Variants in CHSY3 observed in about 807,000 individuals in gnomAD.
CHSY3 encodes the protein chondroitin sulfate synthase 3, also known as N-acetylgalactosaminyl-proteoglycan 3-beta-glucuronosyltransferase 3.
In CHSY3, 35 loss-of-function variants were observed where a neutral mutation model predicts 67.2. The observed-to-expected ratio is 0.52, with a 90% CI of 0.40 to 0.69. The LOEUF is 0.69. CHSY3 is among the 30% of genes least tolerant of loss of function. CHSY3 has a pLI of 0.00. For synonymous variants in CHSY3, 474 were observed against 434.7 expected, an observed-to-expected ratio of 1.09 and a Z score of -1.12; for missense variants, 1,069 against 1,138.5, an observed-to-expected ratio of 0.94 and a Z score of 0.88.
intron 2 of CHSY3, among the ~76,000 whole-genome samples, chr5:130,102,418 A>G (rs568404526): frequency 4.6e-5 from 7 of 152,180 alleles, no homozygotes; most frequent in Admixed American, 2.0e-4. Context: ...TAATAAATCA[A>G]TGTAATTTGA....
Position 130,150,407 on chromosome 5 carries a change from TACTC to T in CHSY3, c.1087-33820_1087-33817del, listed in dbSNP as rs1160895727. 7.2e-5 allele frequency among the ~76,000 whole-genome samples: 11 copies of T among 152,214 alleles called. No individual in the cohort carries two copies. In the South Asian group the frequency reaches 2.1e-3, roughly 29 times the overall value. ...TAATTAATTTATAAAATAAATAAAA[TACTC>T]AACAAATTACCTTTAAGAGGTCACA... On this transcript the variant is annotated intron_variant, in intron 2 of 2. Transcript: ENST00000305031.
chr5:130,074,888 T>C (rs544602347), intron 2 of CHSY3, among the ~76,000 whole-genome samples: 1 of 128,888 alleles, frequency 7.8e-6, no homozygotes, highest in South Asian at 2.5e-4. Context: ...ACATTAATGA[T>C]AGTAATAATT....
intron 2 of CHSY3, among the ~76,000 whole-genome samples, chr5:130,037,143 G>T (rs1404339048): frequency 6.6e-6 from 1 of 152,136 alleles, no homozygotes; most frequent in African/African-American, 2.4e-5. Flanking sequence ...TAGCAAGGAG[G>T]CAAATTGAAA....
chr5:129,979,199 CAAAAAAA>C (rs58584381), intron 2 of CHSY3, among the ~76,000 whole-genome samples: 6 of 62,536 alleles, frequency 9.6e-5, no homozygotes, highest in East Asian at 6.2e-4. Flanking sequence ...GACTCCGTCT[CAAAAAAA>C]AAAAAAAAAA....
At chr5:130,000,732 CTTTTTT>C (rs71000946) in intron 2 of CHSY3, among the ~76,000 whole-genome samples, 14 of 76,450 alleles carry the variant, frequency 1.8e-4, no homozygotes, top group South Asian at 6.7e-4. Flanking sequence ...AACTTTTCTT[CTTTTTT>C]TTTTTTTTTT....
intron 2 of CHSY3, among the ~76,000 whole-genome samples, chr5:130,014,770 G>T (rs897600226): frequency 3.3e-5 from 5 of 152,078 alleles, no homozygotes; most frequent in African/African-American, 1.2e-4. Context: ...AAAATTCCAG[G>T]AAATACTATT....
intron 2 of CHSY3, chr5:130,141,715 G>T: frequency 2.0e-6 from 1 of 509,672 alleles, no homozygotes; most frequent in South Asian, 1.4e-5. Context: ...TAACGTTGAG[G>T]ACAAACAGAA....
chr5:130,123,168 A>T (rs1430094294), intron 2 of CHSY3, among the ~76,000 whole-genome samples: 1 of 152,200 alleles, frequency 6.6e-6, no homozygotes. Context: ...TATAGTTGCC[A>T]CTATGTAAAA....
At chr5:130,132,155 G>A (rs570717276) in intron 2 of CHSY3, among the ~76,000 whole-genome samples, 1 of 152,198 alleles carries the variant, frequency 6.6e-6, no homozygotes, top group East Asian at 1.9e-4. Context: ...AAGCTCCATA[G>A]AGGCATAGAC....
At chr5:129,998,582 A>C (rs1180950525) in intron 2 of CHSY3, among the ~76,000 whole-genome samples, 1 of 152,166 alleles carries the variant, frequency 6.6e-6, no homozygotes, top group African/African-American at 2.4e-5. Flanking sequence ...TGATTGCTCA[A>C]ATTTATACTA....
At chr5:130,129,550 C>A (rs906629365) in intron 2 of CHSY3, among the ~76,000 whole-genome samples, 6 of 152,020 alleles carry the variant, frequency 3.9e-5, no homozygotes, top group African/African-American at 1.4e-4. Flanking sequence ...TTATACTGTG[C>A]TATTTATAAA....
chr5:130,054,625 T>C (rs2149673238), intron 2 of CHSY3, among the ~76,000 whole-genome samples: 1 of 152,316 alleles, frequency 6.6e-6, no homozygotes, highest in East Asian at 1.9e-4. Flanking sequence ...ATATATAAAC[T>C]CTTACTTCAC....
chr5:130,151,008 G>A (rs969758863), intron 2 of CHSY3, among the ~76,000 whole-genome samples: 1 of 152,114 alleles, frequency 6.6e-6, no homozygotes, highest in Non-Finnish European at 1.5e-5. Context: ...TTGTTTCAAA[G>A]CATGACAACT....
rs559212731 is a variant in CHSY3 at position 129,998,241 on chromosome 5, T to C, written c.1086+89881T>C. On this transcript the variant is annotated intron_variant, in intron 2 of 2. Transcript: ENST00000305031. Reference sequence around the variant, plus strand: ...AGTTAAATGAATTCTGTGCTCACTGTTAATAACACTTCGGTTATTTTTCCC... The same window carrying C: ...AGTTAAATGAATTCTGTGCTCACTGCTAATAACACTTCGGTTATTTTTCCC... 2.8e-5 allele frequency among the ~76,000 whole-genome samples: 3 copies of C among 106,468 alleles called. No individual in the cohort carries two copies. In the East Asian group the frequency reaches 8.9e-4, roughly 32 times the overall value. 69.8% of individuals were successfully genotyped at this position (106,468 alleles called of 152,430 possible).
chr5:130,125,236 T>C (rs1467221766), intron 2 of CHSY3, among the ~76,000 whole-genome samples: 2 of 152,086 alleles, frequency 1.3e-5, no homozygotes, highest in African/African-American at 2.4e-5. Flanking sequence ...ATTGGACAGA[T>C]TGAGTCCTCA....
At chr5:130,180,526 GT>G (rs1224932097) in intron 2 of CHSY3, among the ~76,000 whole-genome samples, 1 of 151,758 alleles carries the variant, frequency 6.6e-6, no homozygotes, top group African/African-American at 2.4e-5. Context: ...TTTTGTTTTT[GT>G]TTTTTGTTTT....
intron 2 of CHSY3, among the ~76,000 whole-genome samples, chr5:129,955,875 C>A (rs1299203747): frequency 1.3e-5 from 2 of 152,124 alleles, no homozygotes; most frequent in Non-Finnish European, 2.9e-5. Context: ...TGATCTTGTT[C>A]TTTTGTTATG....
At chr5:130,101,515 A>T (rs1295300420) in intron 2 of CHSY3, among the ~76,000 whole-genome samples, 1 of 152,166 alleles carries the variant, frequency 6.6e-6, no homozygotes, top group African/African-American at 2.4e-5. Context: ...TAATATTTTG[A>T]TATATGTAGA....
intron 2 of CHSY3, among the ~76,000 whole-genome samples, chr5:129,969,838 A>G (rs921451574): frequency 6.6e-5 from 10 of 151,920 alleles, no homozygotes; most frequent in African/African-American, 1.7e-4. Context: ...AATTAATGCA[A>G]TTAGGCAGTT....
Sources: gnomAD v4.1 joint callset for allele counts (sites outside exome capture counted in the v4.1 genomes callset) on GRCh38, gnomAD v4.1.1 for gene constraint, MANE v1.5 for transcripts, NCBI Gene and HGNC (gene_info 2026-07-23, HGNC 2026-07-21) for gene names.